Variants in INO80D observed in about 807,000 individuals in gnomAD.
The protein encoded by INO80D is INO80 complex subunit D.
INO80D carries 21 observed loss-of-function variants against 87.6 expected under a neutral mutation model. The observed-to-expected ratio is 0.24, with a 90% CI of 0.17 to 0.35. The LOEUF (loss-of-function observed/expected upper bound fraction) is 0.35. INO80D is among the 10% of genes least tolerant of loss of function. INO80D has a pLI of 1.00. For synonymous variants in INO80D, 440 were observed against 491.0 expected (o/e 0.90, Z 1.37); for missense variants, 982 against 1,280.7 (o/e 0.77, Z 3.56).
At position 206,004,253 on chromosome 2, in the gene INO80D, C is replaced by A. The variant is rs1687959267; in HGVS notation, c.*115G>T. 1 of 959,390 alleles carries A rather than the reference C, an allele frequency of 1.0e-6. No homozygotes were observed. The highest frequency in any genetic ancestry group is 1.6e-5 in the African/African-American group (1 of 60,752). 59.4% of individuals were successfully genotyped at this position (959,390 alleles called of 1,614,324 possible). A position where few individuals can be genotyped will look rare whatever the true frequency, so the allele number is the denominator to read the frequency against. ...CTCATTGAACTGGGAAGGGGGGTGC[C>A]CCTCTGATCCCCATCTGTTATATCT... is the stretch of plus-strand genomic sequence containing the variant. On this transcript the variant is annotated 3_prime_UTR_variant, in exon 11 of 11. Coordinates refer to ENST00000403263, the MANE Select transcript of INO80D (RefSeq NM_017759.5). This position sits in a 1 kb window ranked among gnomAD's most constrained non-coding sequence, Gnocchi z 4.9.
chr2:206,044,481 T>TAAA (rs55925923), intron 5 of INO80D, among the ~76,000 whole-genome samples: 22,824 of 111,940 alleles, frequency 0.2, 2,391 homozygotes, highest in East Asian at 0.39. Flanking sequence ...AAATACCTGT[T>TAAA]AAAAAAAAAA....
chr2:206,076,874 G>C (rs1690130147), intron 1 of INO80D, among the ~76,000 whole-genome samples: 1 of 152,198 alleles, frequency 6.6e-6, no homozygotes, highest in Non-Finnish European at 1.5e-5. Flanking sequence ...CTTCTCATCT[G>C]TAAAGGGAAG....
intron 6 of INO80D, among the ~76,000 whole-genome samples, chr2:206,027,574 C>A (rs1382655703): frequency 6.6e-6 from 1 of 152,040 alleles, no homozygotes; most frequent in African/African-American, 2.4e-5. Context: ...TATGGTTTCA[C>A]ATGCCTATAG....
chr2:206,069,836 T>C (rs1689912961), intron 1 of INO80D, among the ~76,000 whole-genome samples: 1 of 152,232 alleles, frequency 6.6e-6, no homozygotes, highest in South Asian at 2.1e-4. Context: ...TACATTTAAA[T>C]TTATTCAATG....
chr2:206,060,520 G>A (rs1559459014), intron 3 of INO80D, among the ~76,000 whole-genome samples: 1 of 141,474 alleles, frequency 7.1e-6, no homozygotes, highest in Non-Finnish European at 1.5e-5. Context: ...CAACAGTTGA[G>A]CGAGACTCCG....
rs1384240567 is a variant in INO80D at position 206,084,272 on chromosome 2, CA to C, written c.-124+1628del. Among the ~76,000 whole-genome samples the C allele has an allele frequency of 2.7e-3, 394 of 143,864 alleles. 2 individuals carry two copies. The highest frequency in any genetic ancestry group is 8.4e-3 in the African/African-American group (320 of 38,136). 94.4% of individuals were successfully genotyped at this position (143,864 alleles called of 152,430 possible). ...ACACACACACACACACACACACACA[CA>C]CCCCAAAACCAAAGTAGTTTTGCTA... On this transcript the variant is annotated intron_variant, in intron 1 of 10. Coordinates refer to ENST00000403263, the MANE Select transcript of INO80D (RefSeq NM_017759.5).
intron 3 of INO80D, among the ~76,000 whole-genome samples, chr2:206,059,634 A>G (rs1689631269): frequency 6.6e-6 from 1 of 152,192 alleles, no homozygotes; most frequent in South Asian, 2.1e-4. Flanking sequence ...AAATAAATCT[A>G]TCAGAGGCAC....
intron 1 of INO80D, among the ~76,000 whole-genome samples, chr2:206,073,589 C>T (rs1690030295): frequency 6.6e-6 from 1 of 152,076 alleles, no homozygotes; most frequent in South Asian, 2.1e-4. Flanking sequence ...TTACGACTTA[C>T]TGAAGCCTTG....
In INO80D at chr2:206,004,497, A is replaced by T. The variant is rs1457475532; in HGVS notation, c.2955T>A (p.Ser985=). The T allele has an allele frequency of 6.2e-7, 1 of 1,609,286 alleles. No individual in the cohort carries two copies. Among genetic ancestry groups the T allele is most frequent in the Non-Finnish European group, 8.5e-7 (1 of 1,177,900 alleles). ...FSAAFGHQLS[S]HSGIPKDLQP... ...GCAGGTCCTTAGGAATGCCACTGTG[A>T]GAACTCAGCTGGTGGCCAAAGGCTG... is the stretch of plus-strand genomic sequence containing the variant. The change falls in exon 11 of 11, where the codon TCT becomes TCA. Residue 985 remains serine (S), a synonymous_variant. Coordinates refer to ENST00000403263, the MANE Select transcript of INO80D (RefSeq NM_017759.5). The surrounding 1 kb of genome is among the most constrained non-coding windows in gnomAD (Gnocchi z 4.9).
At chr2:206,033,278 G>A (rs1688815019) in intron 5 of INO80D, among the ~76,000 whole-genome samples, 1 of 152,038 alleles carries the variant, frequency 6.6e-6, no homozygotes, top group African/African-American at 2.4e-5. Context: ...AGCAACCACA[G>A]AATAAACACT....
chr2:206,042,753 C>T (rs951661942), intron 5 of INO80D, among the ~76,000 whole-genome samples: 2 of 150,772 alleles, frequency 1.3e-5, no homozygotes, highest in Non-Finnish European at 2.9e-5. Context: ...GGAAGGTCAA[C>T]GCAGGAGGAC....
At position 206,056,296 on chromosome 2, in the gene INO80D, G is replaced by C. The variant is rs1689516552; in HGVS notation, c.866C>G (p.Ala289Gly). The change falls in exon 4 of 11, where the codon GCC becomes GGC. Residue 289 changes from alanine (A) to glycine (G), a missense_variant. Physicochemically the swap from Ala to Gly is moderately conservative, Grantham distance 60. Transcript: ENST00000403263. ...RTDRILMKAT[A>G]FSPHFSCISR... The stretch of plus-strand genomic sequence containing the variant: ...TATACATGAGAAGTGTGGAGAGAAG[G>C]CTGTGGCTTTCATGAGGATCCGGTC... 26 of 1,613,904 alleles carry C rather than the reference G, an allele frequency of 1.6e-5. No individual in the cohort carries two copies. The highest frequency in any genetic ancestry group is 2.1e-5 in the Non-Finnish European group (25 of 1,179,896).
chr2:206,061,257 C>T (rs540675761), intron 3 of INO80D, among the ~76,000 whole-genome samples: 6 of 152,162 alleles, frequency 3.9e-5, no homozygotes, highest in South Asian at 4.2e-4. Flanking sequence ...AGCGATCCAC[C>T]GCCTTAGCCT....
intron 4 of INO80D, among the ~76,000 whole-genome samples, chr2:206,053,654 T>A (rs759289633): frequency 8.5e-5 from 13 of 152,170 alleles, no homozygotes; most frequent in Non-Finnish European, 1.8e-4. Context: ...GAAGTATATA[T>A]CCTTTTATAC....
At chr2:206,074,481 C>T (rs980864236) in intron 1 of INO80D, among the ~76,000 whole-genome samples, 4 of 152,078 alleles carry the variant, frequency 2.6e-5, no homozygotes, top group Admixed American at 2.0e-4. Flanking sequence ...GGCATGATTG[C>T]GGGTGCCTGT....
intron 3 of INO80D, 46 bp from the exon 4 acceptor site, chr2:206,056,989 T>G: frequency 1.3e-6 from 2 of 1,496,008 alleles, no homozygotes; most frequent in Non-Finnish European, 1.8e-6. Flanking sequence ...GATACATATT[T>G]TTTAAAAGTA....
intron 3 of INO80D, among the ~76,000 whole-genome samples, chr2:206,061,842 T>C (rs901837256): frequency 1.3e-5 from 2 of 152,146 alleles, no homozygotes; most frequent in African/African-American, 4.8e-5. Context: ...TGGATGAAGG[T>C]TGTGTGTGTG....
chr2:206,071,938 A>T (rs756575081), intron 1 of INO80D, among the ~76,000 whole-genome samples: 20 of 152,162 alleles, frequency 1.3e-4, no homozygotes, highest in Middle Eastern at 6.8e-3. Flanking sequence ...ACTTCTCTTC[A>T]CATGACCAAG....
At position 206,004,644 on chromosome 2, in the gene INO80D, G is replaced by T; in HGVS notation, c.2808C>A (p.Thr936=). 6.2e-7 allele frequency: 1 copy of T among 1,613,660 alleles called. No individual in the cohort carries two copies. Among genetic ancestry groups the T allele is most frequent in the Non-Finnish European group, 8.5e-7 (1 of 1,179,738 alleles). The part of the protein sequence containing the change: ...NSETTQPAFA[T]VTPSSSSVLP... ...GCACACTGGAGCTGCTGGGGGTCAC[G>T]GTGGCGAAGGCAGGCTGTGTGGTCT... Residue 936 remains threonine, a synonymous_variant, in exon 11 of 11, where the codon ACC becomes ACA. Coordinates refer to ENST00000403263, the MANE Select transcript of INO80D (RefSeq NM_017759.5). This position sits in a 1 kb window ranked among gnomAD's most constrained non-coding sequence, Gnocchi z 4.9.
Sources: gnomAD v4.1 joint callset for allele counts (sites outside exome capture counted in the v4.1 genomes callset) on GRCh38, gnomAD v4.1.1 for gene constraint, Gnocchi (gnomAD v3.1) non-coding constraint, MANE v1.5 for transcripts, NCBI Gene and HGNC (gene_info 2026-07-23, HGNC 2026-07-21) for gene names.